SLC30A4: variants seen among roughly 807,000 people sequenced by gnomAD.
SLC30A4 encodes the protein solute carrier family 30 member 4.
A neutral mutation model predicts 41.7 loss-of-function variants in SLC30A4; 20 were observed. The ratio of observed to expected loss-of-function variants is 0.48; its 90% confidence interval spans 0.34 to 0.70. The LOEUF (loss-of-function observed/expected upper bound fraction) is 0.70. Ranked by LOEUF, SLC30A4 falls within the 30% of genes least tolerant of loss-of-function variation. The pLI is 0.01. For synonymous variants in SLC30A4, 181 were observed against 195.9 expected (o/e 0.92, Z 0.64); for missense variants, 441 against 529.3 (o/e 0.83, Z 1.64).
At chr15:45,491,302 C>T (rs1418946940) in intron 3 of SLC30A4, among the ~76,000 whole-genome samples, 1 of 152,240 alleles carries the variant, frequency 6.6e-6, no homozygotes, top group Non-Finnish European at 1.5e-5. Context: ...CCCTCCACTC[C>T]TCTCTCTCCA....
In SLC30A4 at chr15:45,505,783, A is replaced by C. The variant is rs1420807031; in HGVS notation, c.538+5355T>G. ...TATGTTTTCAAAAGGAAGTGCTGGA[A>C]GGATAGGCTAGAAACCAATTAAAAG... is the stretch of plus-strand genomic sequence containing the variant. On this transcript the variant is annotated intron_variant, in intron 3 of 7. Transcript: ENST00000261867. 2.6e-5 allele frequency among the ~76,000 whole-genome samples: 4 copies of C among 152,330 alleles called. No individual in the cohort carries two copies. In the East Asian group the frequency reaches 7.7e-4, roughly 29 times the overall value.
chr15:45,485,237 A>T lies in SLC30A4; in HGVS notation c.1216T>A (p.Cys406Ser). The part of the protein sequence containing the change: ...LLLNTFGMYR[C>S]TIQLQSYRQE... The stretch of plus-strand genomic sequence containing the variant: ...CTGTAACTCTGAAGCTGAATAGTAC[A>T]TCTATACATGCCAAATGTGTTCAAT... The change falls in exon 8 of 8, where the codon TGT (cysteine) becomes AGT (serine). Residue 406 changes from cysteine to serine, a missense_variant. By Grantham distance (112) the Cys-to-Ser change is moderately radical. Coordinates refer to ENST00000261867, the MANE Select transcript of SLC30A4 (RefSeq NM_013309.6). 1 of 1,611,238 alleles carries T rather than the reference A, an allele frequency of 6.2e-7. No individual in the cohort carries two copies. Among genetic ancestry groups the T allele is most frequent in the Non-Finnish European group, 8.5e-7 (1 of 1,177,616 alleles).
intron 3 of SLC30A4, among the ~76,000 whole-genome samples, chr15:45,492,372 G>C (rs1003332747): frequency 2.0e-5 from 3 of 152,006 alleles, no homozygotes; most frequent in Admixed American, 1.3e-4. Context: ...ATAATCACAA[G>C]AAAGTATTAC....
At chr15:45,492,575 G>A (rs976360290) in intron 3 of SLC30A4, among the ~76,000 whole-genome samples, 36 of 151,842 alleles carry the variant, frequency 2.4e-4, no homozygotes, top group African/African-American at 8.5e-4. Context: ...GCAAATTATT[G>A]GAAACAACCA....
intron 3 of SLC30A4, among the ~76,000 whole-genome samples, chr15:45,492,595 T>C (rs959506440): frequency 6.6e-6 from 1 of 152,030 alleles, no homozygotes; most frequent in East Asian, 1.9e-4. Flanking sequence ...AAAAAAGTGA[T>C]TAGTAGGGAC....
At chr15:45,505,238 T>TAAAAAAAAAAAA in intron 3 of SLC30A4, among the ~76,000 whole-genome samples, 1 of 53,298 alleles carries the variant, frequency 1.9e-5, no homozygotes, top group African/African-American at 7.0e-5. Flanking sequence ...TCTCAAAAAT[T>TAAAAAAAAAAAA]AAAAAAAAAA....
chr15:45,499,070 A>G (rs1225650250), intron 3 of SLC30A4, among the ~76,000 whole-genome samples: 1 of 149,356 alleles, frequency 6.7e-6, no homozygotes, highest in East Asian at 2.0e-4. Context: ...CTTAGCCATG[A>G]GCCTAGGCTG....
chr15:45,486,516 A>T, intron 7 of SLC30A4, 95 bp downstream of exon 7: 1 of 1,136,720 alleles, frequency 8.8e-7, no homozygotes, highest in Non-Finnish European at 1.2e-6. Flanking sequence ...TCTTTTCAGC[A>T]GAAAAGTCTT....
intron 3 of SLC30A4, among the ~76,000 whole-genome samples, chr15:45,500,683 ATTTT>A (rs746456847): frequency 6.6e-6 from 1 of 150,708 alleles, no homozygotes; most frequent in Non-Finnish European, 1.5e-5. Context: ...TTTTATTTTT[ATTTT>A]TTTATTTTTT....
At chr15:45,505,318 G>A (rs1381726322) in intron 3 of SLC30A4, among the ~76,000 whole-genome samples, 1 of 149,094 alleles carries the variant, frequency 6.7e-6, no homozygotes, top group Non-Finnish European at 1.5e-5. Flanking sequence ...CCAATCTAAA[G>A]CCTACAGAGA....
intron 3 of SLC30A4, among the ~76,000 whole-genome samples, chr15:45,491,225 G>GAA (rs1054366975): frequency 1.3e-5 from 2 of 150,634 alleles, no homozygotes; most frequent in Non-Finnish European, 3.0e-5. Flanking sequence ...AGCACTTACA[G>GAA]AAAAAAAAAG....
At chr15:45,499,939 T>A (rs1469099803) in intron 3 of SLC30A4, among the ~76,000 whole-genome samples, 1 of 152,230 alleles carries the variant, frequency 6.6e-6, no homozygotes, top group Non-Finnish European at 1.5e-5. Flanking sequence ...ACTCCTGGAA[T>A]AGCCACTGTA....
Position 45,513,143 on chromosome 15 carries a change from A to G in SLC30A4, c.392-1859T>C, listed in dbSNP as rs188487704. ...GGTGAAACCCCATCTCTACCAAAAA[A>G]TAAATAAGAAAGAAAAAGAAAAATG... On this transcript the variant is annotated intron_variant, in intron 2 of 7. Transcript: ENST00000261867. Among the ~76,000 whole-genome samples, 350 of 152,218 alleles carry G rather than the reference A, an allele frequency of 2.3e-3. 2 individuals carry two copies. Among genetic ancestry groups the G allele is most frequent in the African/African-American group, 7.3e-3 (303 of 41,572 alleles).
In SLC30A4 at chr15:45,487,511, T is replaced by G; in HGVS notation, c.1000+16A>C. ...GGAAGTAATAAACTCATAATGAGGA[T>G]ATAGTGAGATCTTACCTTCTAGTAT... On this transcript the variant is annotated intron_variant, in intron 6 of 7. Transcript: ENST00000261867. The G allele has an allele frequency of 8.7e-7, 1 of 1,147,042 alleles. No individual in the cohort carries two copies. The highest frequency in any genetic ancestry group is 1.3e-6 in the Non-Finnish European group (1 of 756,962). The allele number at this position is 1,147,042 out of a possible 1,614,324, so 71.1% of individuals were successfully genotyped here. A position where few individuals can be genotyped will look rare whatever the true frequency, so the allele number is the denominator to read the frequency against.
In SLC30A4 at chr15:45,490,735, T is replaced by A; in HGVS notation, c.685A>T (p.Asn229Tyr). The A allele has an allele frequency of 6.3e-7, 1 of 1,596,834 alleles. No individual in the cohort carries two copies. The highest frequency in any genetic ancestry group is 8.5e-7 in the Non-Finnish European group (1 of 1,172,902). Residue 229 changes from asparagine to tyrosine, a missense_variant, in exon 4 of 8, where the codon AAT becomes TAT. Coordinates refer to ENST00000261867, the MANE Select transcript of SLC30A4 (RefSeq NM_013309.6). ...LITAAVGVAV[N>Y]VIMGFLLNQS... is the part of the protein sequence containing the mutation. ...GAAAAAAATAGAGCTTACATTACAT[T>A]AACTGCAACTCCAACAGCTGCGGTG...
At chr15:45,496,940 T>C (rs995841166) in intron 3 of SLC30A4, among the ~76,000 whole-genome samples, 4 of 151,708 alleles carry the variant, frequency 2.6e-5, no homozygotes, top group Admixed American at 1.3e-4. Flanking sequence ...GGTGGAAGGA[T>C]AGCTTGAGCA....
At chr15:45,496,387 A>C (rs904139890) in intron 3 of SLC30A4, among the ~76,000 whole-genome samples, 2 of 152,138 alleles carry the variant, frequency 1.3e-5, no homozygotes, top group African/African-American at 4.8e-5. Flanking sequence ...CAATTTTCTC[A>C]TTCTTGTTCT....
intron 3 of SLC30A4, among the ~76,000 whole-genome samples, chr15:45,498,399 A>G (rs905127812): frequency 6.6e-6 from 1 of 152,152 alleles, no homozygotes; most frequent in African/African-American, 2.4e-5. Flanking sequence ...TTGAGCACCA[A>G]TATGATGCTC....
chr15:45,499,081 ATT>A (rs58257947), intron 3 of SLC30A4, among the ~76,000 whole-genome samples: 208 of 132,826 alleles, frequency 1.6e-3, no homozygotes, highest in African/African-American at 5.7e-3. Flanking sequence ...GCCTAGGCTG[ATT>A]TTTTTTTTTT....
Sources: gnomAD v4.1 joint callset for allele counts (sites outside exome capture counted in the v4.1 genomes callset) on GRCh38, gnomAD v4.1.1 for gene constraint, MANE v1.5 for transcripts, NCBI Gene and HGNC (gene_info 2026-07-23, HGNC 2026-07-21) for gene names.